OR56A3: variants seen among roughly 807,000 people sequenced by gnomAD.
The protein encoded by OR56A3 is olfactory receptor 56A3.
Under a neutral mutation model 17.5 loss-of-function variants are expected in OR56A3, and 23 were observed. The ratio of observed to expected loss-of-function variants is 1.32; its 90% CI spans 0.95 to 1.87. The LOEUF is 1.87. Ranked by LOEUF, OR56A3 falls within the 40% of genes most tolerant of loss-of-function variation. OR56A3 has a pLI of 0.00. For synonymous variants in OR56A3, 175 were observed against 150.6 expected (o/e 1.16, Z -1.19); for missense variants, 366 against 380.1 (o/e 0.96, Z 0.31).
chr11:6,011,705 G>T, the OR56A3 span, among the ~76,000 whole-genome samples: 2 of 152,160 alleles, frequency 1.3e-5, no homozygotes, highest in African/African-American at 4.8e-5. Flanking sequence ...CATTTGGCCT[G>T]GCAGGTTACA....
chr11:5,947,416 TC>T lies in OR56A3; in HGVS notation c.75del (p.Ser26AlafsTer18), dbSNP rs1284948494. The T allele has an allele frequency of 6.2e-6, 10 of 1,613,978 alleles. No individual in the cohort carries two copies. Among genetic ancestry groups the T allele is most frequent in the Non-Finnish European group, 8.5e-7 (1 of 1,179,976 alleles). On this transcript the variant is annotated frameshift_variant, in exon 3 of 3. Coordinates refer to ENST00000641160, the MANE Select transcript of OR56A3 (RefSeq NM_001003443.3). LOFTEE classifies it high-confidence loss of function. ...CTTCCTCTTGAATTGTTTTGTCAGA[TC>T]CCCCAGCTGGCAGCACTGGCTGTCC... ...SDFLLNCFVR[S>X]PSWQHWLSLP...
At chr11:5,961,142 C>T in the OR56A3 span, among the ~76,000 whole-genome samples, 1 of 151,206 alleles carries the variant, frequency 6.6e-6, no homozygotes, top group East Asian at 2.0e-4. Flanking sequence ...GGGGGGCAGC[C>T]CCCGCCCGGC....
chr11:5,974,519 A>G, the OR56A3 span, among the ~76,000 whole-genome samples: 1 of 152,378 alleles, frequency 6.6e-6, no homozygotes, highest in South Asian at 2.1e-4. Flanking sequence ...GACACTTAAC[A>G]TGAGATGCTA....
the OR56A3 span, among the ~76,000 whole-genome samples, chr11:5,978,584 GT>G: frequency 5.3e-5 from 8 of 151,886 alleles, no homozygotes; most frequent in African/African-American, 9.7e-5. Context: ...ATTTGCTGAA[GT>G]TTTTTTTAAT....
the OR56A3 span, among the ~76,000 whole-genome samples, chr11:5,992,365 A>G: frequency 6.6e-6 from 1 of 152,112 alleles, no homozygotes; most frequent in East Asian, 1.9e-4. Context: ...ATCTTAAACA[A>G]CACTGAAGAG....
chr11:5,958,929 G>C, the OR56A3 span, among the ~76,000 whole-genome samples: 212 of 152,270 alleles, frequency 1.4e-3, no homozygotes, highest in African/African-American at 4.6e-3. Flanking sequence ...ATGCCTTCCA[G>C]GCTCATACAT....
the OR56A3 span, chr11:5,986,607 G>A: frequency 7.1e-5 from 114 of 1,613,738 alleles, no homozygotes; most frequent in Middle Eastern, 1.6e-4. Context: ...ACCCAATCTC[G>A]TGGGCATGAA....
chr11:5,989,254 C>T, the OR56A3 span, among the ~76,000 whole-genome samples: 3,819 of 152,266 alleles, frequency 0.025, 65 homozygotes, highest in Middle Eastern at 0.085. Flanking sequence ...TTCTGTTGCA[C>T]GCTTCAGCCC....
At chr11:5,997,831 A>G in the OR56A3 span, among the ~76,000 whole-genome samples, 1 of 152,234 alleles carries the variant, frequency 6.6e-6, no homozygotes, top group South Asian at 2.1e-4. Context: ...ATGGGCTATA[A>G]AGCCTAACAT....
At chr11:5,968,000 A>C in the OR56A3 span, 9 of 1,590,936 alleles carry the variant, frequency 5.7e-6, no homozygotes, top group Middle Eastern at 1.7e-4. Context: ...GTCGAGAAGA[A>C]AGTATGGGGA....
At chr11:5,972,692 G>A in the OR56A3 span, among the ~76,000 whole-genome samples, 2,479 of 152,236 alleles carry the variant, frequency 0.016, 59 homozygotes, top group African/African-American at 0.055. Flanking sequence ...GCGGTGGCGC[G>A]ATTTCGGCTC....
the OR56A3 span, among the ~76,000 whole-genome samples, chr11:5,980,309 TG>T: frequency 2.6e-5 from 4 of 152,142 alleles, no homozygotes; most frequent in Admixed American, 2.6e-4. Flanking sequence ...ATTATTATTC[TG>T]TGGTTATCAA....
chr11:5,975,976 A>G, the OR56A3 span, among the ~76,000 whole-genome samples: 1 of 151,980 alleles, frequency 6.6e-6, no homozygotes, highest in African/African-American at 2.4e-5. Flanking sequence ...TCTAAATACA[A>G]AGAGAAACTT....
chr11:5,986,603 T>A, the OR56A3 span: 5 of 1,613,768 alleles, frequency 3.1e-6, no homozygotes, highest in African/African-American at 1.3e-5. Flanking sequence ...ATGTACCCAA[T>A]CTCGTGGGCA....
At chr11:6,004,639 GGA>G in the OR56A3 span, among the ~76,000 whole-genome samples, 4 of 152,204 alleles carry the variant, frequency 2.6e-5, no homozygotes, top group Admixed American at 2.6e-4. Context: ...CAAGAATTCA[GGA>G]GTTAAAACTG....
the OR56A3 span, among the ~76,000 whole-genome samples, chr11:5,977,034 C>CAAAGGACATG: frequency 6.6e-6 from 1 of 152,112 alleles, no homozygotes; most frequent in East Asian, 1.9e-4. Context: ...CATGTTGCTG[C>CAAAGGACATG]AAAGGACATG....
Position 5,948,356 on chromosome 11 carries a change from A to C in OR56A3, c.*62A>C. ...TAATTTATTAATCACTTAATGAGTG[A>C]GTGGGCTGAAATTCATATCTGTGAC... On this transcript the variant is annotated 3_prime_UTR_variant, in exon 3 of 3. Coordinates refer to ENST00000641160, the MANE Select transcript of OR56A3 (RefSeq NM_001003443.3). 8.7e-7 allele frequency: 1 copy of C among 1,147,928 alleles called. No homozygotes were observed. Among genetic ancestry groups the C allele is most frequent in the Admixed American group, 2.1e-5 (1 of 46,646 alleles). The allele number at this position is 1,147,928 out of a possible 1,614,324, so 71.1% of individuals were successfully genotyped here. A position where few individuals can be genotyped will look rare whatever the true frequency, so the allele number is the denominator to read the frequency against.
At chr11:5,955,106 G>C (rs1461024197), downstream of OR56A3, among the ~76,000 whole-genome samples, 2 of 152,168 alleles carry the variant, frequency 1.3e-5, no homozygotes, top group Non-Finnish European at 2.9e-5. Context: ...GCCAGAATGT[G>C]TTTAATCTTG....
At chr11:5,960,318 T>TG in the OR56A3 span, among the ~76,000 whole-genome samples, 2 of 151,524 alleles carry the variant, frequency 1.3e-5, no homozygotes, top group Non-Finnish European at 2.9e-5. Context: ...CAGCTGAGGC[T>TG]GGACTGTACT....
Sources: gnomAD v4.1 joint callset for allele counts (sites outside exome capture counted in the v4.1 genomes callset) on GRCh38, gnomAD v4.1.1 for gene constraint, MANE v1.5 for transcripts, NCBI Gene and HGNC (gene_info 2026-07-23, HGNC 2026-07-21) for gene names.